Variants in DYRK1A observed in about 807,000 individuals in gnomAD.
DYRK1A encodes the protein dual specificity tyrosine-phosphorylation-regulated kinase 1A.
In DYRK1A, 9 loss-of-function variants were observed where a neutral mutation model predicts 79.7. The ratio of observed to expected loss-of-function variants is 0.11; its 90% CI spans 0.07 to 0.20. DYRK1A has a LOEUF of 0.20. DYRK1A is among the 10% of genes least tolerant of loss of function. The probability of loss-of-function intolerance (pLI) is 1.00; values close to 1 mark genes in which losing one functional copy is unlikely to be tolerated. For missense variants in DYRK1A, 622 were observed against 956.0 expected, an observed-to-expected ratio of 0.65 and a Z score of 4.61; for synonymous variants, 349 against 329.7, an observed-to-expected ratio of 1.06 and a Z score of -0.63.
intron 1 of DYRK1A, among the ~76,000 whole-genome samples, chr21:37,381,237 A>G (rs565874363): frequency 6.6e-6 from 1 of 152,342 alleles, no homozygotes; most frequent in South Asian, 2.1e-4. Context: ...TTGTTGGACT[A>G]AGAGATTAGC....
intron 2 of DYRK1A, among the ~76,000 whole-genome samples, chr21:37,466,633 AAG>A (rs2052034301): frequency 6.6e-6 from 1 of 152,278 alleles, no homozygotes; most frequent in Admixed American, 6.5e-5. Flanking sequence ...ATAACAGATA[AAG>A]CAAAAAGCTT....
intron 1 of DYRK1A, among the ~76,000 whole-genome samples, chr21:37,370,606 CT>C (rs2049410841): frequency 6.6e-6 from 1 of 152,118 alleles, no homozygotes; most frequent in African/African-American, 2.4e-5. Context: ...AGTTTCACCC[CT>C]CCCCAAGAAA....
intron 2 of DYRK1A, among the ~76,000 whole-genome samples, chr21:37,442,441 T>A (rs2051136725): frequency 6.6e-6 from 1 of 152,244 alleles, no homozygotes; most frequent in Non-Finnish European, 1.5e-5. Flanking sequence ...AGTACTCATT[T>A]GGAATTCTGA....
At chr21:37,450,444 C>T (rs919902870) in intron 2 of DYRK1A, among the ~76,000 whole-genome samples, 2 of 152,136 alleles carry the variant, frequency 1.3e-5, no homozygotes, top group Admixed American at 6.5e-5. Flanking sequence ...GCAGCCGCCC[C>T]CTCTGTAAAG....
rs569220962 is a variant in DYRK1A at position 37,506,403 on chromosome 21, T to C, written c.1644+180T>C. ...ACATTCTTGCAGTTTTCCTCCTCCT[T>C]GTCTAGAAGTGGCTAACACTTATTG... On this transcript the variant is annotated intron_variant, in intron 11 of 11. Coordinates refer to ENST00000647188, the MANE Select transcript of DYRK1A (RefSeq NM_001347721.2). 696 of 1,509,896 alleles carry C rather than the reference T, an allele frequency of 4.6e-4. 12 individuals are homozygous for C. In the South Asian group the frequency reaches 8.2e-3, roughly 18 times the overall value. 93.5% of individuals were successfully genotyped at this position (1,509,896 alleles called of 1,614,324 possible). A position where few individuals can be genotyped will look rare whatever the true frequency, so the allele number is the denominator to read the frequency against.
At chr21:37,493,198 A>AG (rs1569381184) in intron 8 of DYRK1A, 35 bp downstream of exon 8, 1 of 1,559,308 alleles carries the variant, frequency 6.4e-7, no homozygotes, top group Non-Finnish European at 8.8e-7. Flanking sequence ...TTCTGTTTTC[A>AG]TAATTTCTTT....
Position 37,512,358 on chromosome 21 carries a change from A to C in DYRK1A, c.2092A>C (p.Asn698His). 1 of 1,614,242 alleles carries C rather than the reference A, an allele frequency of 6.2e-7. No homozygotes were observed. Residue 698 changes from asparagine (N) to histidine (H), a missense_variant, in exon 12 of 12, where the codon AAT becomes CAT. Around this residue, in one of 5 missense-constraint regions of DYRK1A, gnomAD observed 292 missense variants for 316.7 expected, o/e 0.92. Transcript: ENST00000647188. ...GGACGTTAATTTGACCGTCTACTCC[A>C]ATCCCCGCCAAGAGACTGGCATAGC... ...AMDVNLTVYS[N>H]PRQETGIAGH...
intron 2 of DYRK1A, among the ~76,000 whole-genome samples, chr21:37,435,186 G>A (rs1238821308): frequency 6.6e-6 from 1 of 152,208 alleles, no homozygotes; most frequent in African/African-American, 2.4e-5. Context: ...TTTATTGCTT[G>A]TTTTCCTATT....
chr21:37,454,918 T>C (rs2051584665), intron 2 of DYRK1A, among the ~76,000 whole-genome samples: 1 of 152,194 alleles, frequency 6.6e-6, no homozygotes, highest in Non-Finnish European at 1.5e-5. Context: ...ATCTCTTTGC[T>C]TTTGGGACAG....
chr21:37,481,455 A>T (rs2052637869), intron 5 of DYRK1A: 1 of 152,132 alleles, frequency 6.6e-6, no homozygotes, highest in Non-Finnish European at 1.5e-5. Flanking sequence ...GCAGTGGTGC[A>T]CTCTCGGCTC....
chr21:37,420,407 G>GTAAAAC (rs1396599862), intron 2 of DYRK1A, 23 bp downstream of exon 2: 7 of 1,609,890 alleles, frequency 4.3e-6, no homozygotes, highest in Non-Finnish European at 5.1e-6. Context: ...TTGAAATACA[G>GTAAAAC]TAAAACTCTG....
At chr21:37,453,212 A>G (rs1018152560) in intron 2 of DYRK1A, among the ~76,000 whole-genome samples, 2 of 152,230 alleles carry the variant, frequency 1.3e-5, no homozygotes, top group Non-Finnish European at 2.9e-5. Flanking sequence ...TATAATAAAA[A>G]AAATTGAGGT....
chr21:37,441,659 T>C (rs2051107576), intron 2 of DYRK1A, among the ~76,000 whole-genome samples: 1 of 152,172 alleles, frequency 6.6e-6, no homozygotes, highest in African/African-American at 2.4e-5. Flanking sequence ...TACCATAGTA[T>C]TCTTCTATTT....
chr21:37,482,269 C>T (rs1191677665), intron 5 of DYRK1A, among the ~76,000 whole-genome samples: 1 of 152,064 alleles, frequency 6.6e-6, no homozygotes, highest in African/African-American at 2.4e-5. Flanking sequence ...AATTCACCCC[C>T]AATATTTCAT....
intron 2 of DYRK1A, among the ~76,000 whole-genome samples, chr21:37,426,985 A>AGC (rs1273471021): frequency 1.3e-5 from 2 of 152,174 alleles, no homozygotes; most frequent in Admixed American, 6.5e-5. Context: ...TTCCAGAGAA[A>AGC]GCGACAGTTA....
At chr21:37,431,591 C>A (rs1331824619) in intron 2 of DYRK1A, among the ~76,000 whole-genome samples, 2 of 152,198 alleles carry the variant, frequency 1.3e-5, no homozygotes, top group Non-Finnish European at 2.9e-5. Flanking sequence ...AGGGCCTTTC[C>A]TTGTCACCTG....
chr21:37,461,822 G>A (rs372411315), intron 2 of DYRK1A, among the ~76,000 whole-genome samples: 70 of 147,746 alleles, frequency 4.7e-4, no homozygotes, highest in East Asian at 5.9e-4. Context: ...CAGCAGTTTG[G>A]TTGAGTTGCC....
chr21:37,444,050 T>A (rs1288956801), intron 2 of DYRK1A, among the ~76,000 whole-genome samples: 3 of 152,200 alleles, frequency 2.0e-5, no homozygotes, highest in South Asian at 2.1e-4. Flanking sequence ...GTTACACACC[T>A]CCTTCTCTCA....
intron 2 of DYRK1A, among the ~76,000 whole-genome samples, chr21:37,471,452 C>T (rs904686760): frequency 2.1e-4 from 32 of 152,230 alleles, no homozygotes; most frequent in Admixed American, 1.8e-3. Flanking sequence ...AAGGTGGGCA[C>T]TGGCCCCATG....
Sources: gnomAD v4.1 joint callset for allele counts (sites outside exome capture counted in the v4.1 genomes callset) on GRCh38, gnomAD v4.1.1 for gene constraint, gnomAD v4.1.1 regional missense constraint, MANE v1.5 for transcripts, NCBI Gene and HGNC (gene_info 2026-07-23, HGNC 2026-07-21) for gene names.